C19orf12: variants seen among roughly 807,000 people sequenced by gnomAD.
The protein encoded by C19orf12 is protein C19orf12.
In C19orf12, 2 loss-of-function variants were observed where a neutral mutation model predicts 3.8. The observed-to-expected ratio is 0.53, with a 90% CI of 0.22 to 1.66. C19orf12 has a LOEUF of 1.66. Among genes scored for constraint, C19orf12 ranks in the 40% most tolerant of loss-of-function variants. The pLI is 0.20. For synonymous variants in C19orf12, 89 were observed against 84.6 expected (o/e 1.05, Z -0.28); for missense variants, 156 against 188.8 (o/e 0.83, Z 1.02).
At chr19:29,706,062 G>A (rs1972366043) in intron 2 of C19orf12, among the ~76,000 whole-genome samples, 1 of 152,192 alleles carries the variant, frequency 6.6e-6, no homozygotes. Context: ...AAGCACCGAG[G>A]CCCCTGGAGC....
intron 1 of C19orf12, among the ~76,000 whole-genome samples, chr19:29,709,517 A>G (rs1466599926): frequency 1.4e-5 from 2 of 146,168 alleles, no homozygotes; most frequent in East Asian, 2.1e-4. Flanking sequence ...GATAGATTCT[A>G]TTGCTTATTA....
intron 2 of C19orf12, among the ~76,000 whole-genome samples, chr19:29,705,713 C>T (rs1006388174): frequency 1.3e-5 from 2 of 151,824 alleles, no homozygotes; most frequent in Non-Finnish European, 2.9e-5. Context: ...GACGGGGTCT[C>T]ATTATGTTGC....
rs759339712 is a variant in C19orf12 at position 29,715,206 on chromosome 19, C to T, written c.-92G>A. On this transcript the variant is annotated 5_prime_UTR_variant, in exon 1 of 3. Coordinates refer to ENST00000323670, the MANE Select transcript of C19orf12 (RefSeq NM_031448.6). ...GGCCTGGCAGGCCCCGGGCTCCCCG[C>T]CCAGCTCCCCAGCCCCGCGGAGGGT... 1 of 463,630 alleles carries T rather than the reference C, an allele frequency of 2.2e-6. No homozygotes were observed. The highest frequency in any genetic ancestry group is 2.0e-5 in the South Asian group (1 of 49,602). The allele number at this position is 463,630 out of a possible 1,614,324, so 28.7% of individuals were successfully genotyped here.
chr19:29,711,138 C>T (rs547487716), intron 1 of C19orf12, among the ~76,000 whole-genome samples: 1 of 147,020 alleles, frequency 6.8e-6, no homozygotes, highest in South Asian at 2.2e-4. Flanking sequence ...CTCCCACGTT[C>T]AAGCGATTCT....
Position 29,701,480 on chromosome 19 carries a change from C to A in C19orf12, c.*1232G>T, listed in dbSNP as rs1427407779. ...GGGAATAATGGCAAGAAAAAAAGGT[C>A]TGTACGTGTTCAGTACCAATGCAAT... On this transcript the variant is annotated 3_prime_UTR_variant, in exon 3 of 3. Transcript: ENST00000323670. 1 of 454,038 alleles carries A rather than the reference C, an allele frequency of 2.2e-6. No homozygotes were observed. The highest frequency in any genetic ancestry group is 2.0e-5 in the African/African-American group (1 of 50,016). The allele number at this position is 454,038 out of a possible 1,614,324, so 28.1% of individuals were successfully genotyped here.
In C19orf12 at chr19:29,708,335, G is replaced by C; in HGVS notation, c.79C>G (p.His27Asp). The change falls in exon 2 of 3, where the codon CAC becomes GAC. Residue 27 changes from histidine (H) to aspartate (D), a missense_variant. Transcript: ENST00000323670. The part of the protein sequence containing the change: ...GERKMKAAVK[H>D]SGKGALVTGA... The stretch of plus-strand genomic sequence containing the variant: ...GTGACCAGGGCACCCTTCCCAGAGT[G>C]CTTGACAGCCGCCTTCATCTTCCTC... 1.9e-6 allele frequency: 3 copies of C among 1,614,106 alleles called. No homozygotes were observed. Among genetic ancestry groups the C allele is most frequent in the Non-Finnish European group, 2.5e-6 (3 of 1,180,040 alleles).
Position 29,701,805 on chromosome 19 carries a change from T to C in C19orf12, c.*907A>G. 3 of 452,584 alleles carry C rather than the reference T, an allele frequency of 6.6e-6. No homozygotes were observed. The highest frequency in any genetic ancestry group is 8.9e-6 in the Non-Finnish European group (2 of 225,588). 28.0% of individuals were successfully genotyped at this position (452,584 alleles called of 1,614,324 possible). A position where few individuals can be genotyped will look rare whatever the true frequency, so the allele number is the denominator to read the frequency against. ...GTTTCTGTGTCAGCATTTTGAACAG[T>C]AAATATTTTTAAATTAAGGTTTGTA... On this transcript the variant is annotated 3_prime_UTR_variant, in exon 3 of 3. Transcript: ENST00000323670.
rs1204615230 is a variant in C19orf12, at chr19:29,701,188, C to G, written c.*1524G>C. ...TTTTTAGAAAAACATTTATTGTAAT[C>G]GATCACATTCAAGTCGTAGTTCTGA... On this transcript the variant is annotated 3_prime_UTR_variant, in exon 3 of 3. Transcript: ENST00000323670. 1 of 454,026 alleles carries G rather than the reference C, an allele frequency of 2.2e-6. No individual in the cohort carries two copies. Among genetic ancestry groups the G allele is most frequent in the South Asian group, 1.6e-5 (1 of 64,472 alleles). 28.1% of individuals were successfully genotyped at this position (454,026 alleles called of 1,614,324 possible).
rs757808345 is a variant in C19orf12 at position 29,699,777 on chromosome 19, C to T, written c.*2935G>A. The T allele has an allele frequency of 1.8e-5, 8 of 453,658 alleles. No homozygotes were observed. The highest frequency in any genetic ancestry group is 7.8e-5 in the South Asian group (5 of 64,326). The allele number at this position is 453,658 out of a possible 1,614,324, so 28.1% of individuals were successfully genotyped here. ...GGAGCAGGCCTTCCCTTGCAGCTTG[C>T]GCCCTCCCGTACCTTTTAAATTTTG... On this transcript the variant is annotated 3_prime_UTR_variant, in exon 3 of 3. Transcript: ENST00000323670.
chr19:29,711,731 C>A lies in C19orf12; in HGVS notation c.-10-3308G>T, dbSNP rs555593203. Among the ~76,000 whole-genome samples, 3 of 152,270 alleles carry A rather than the reference C, an allele frequency of 2.0e-5. No individual in the cohort carries two copies. The South Asian group carries it at 6.2e-4, about 32-fold the overall frequency. ...CATGTAGAAGTGGAAAGAAGGAAGG[C>A]AGGAAACAGATACATAACCACTTTA... is the stretch of plus-strand genomic sequence containing the variant. On this transcript the variant is annotated intron_variant, in intron 1 of 2. Coordinates refer to ENST00000323670, the MANE Select transcript of C19orf12 (RefSeq NM_031448.6).
At chr19:29,703,612 C>T (rs918408579) in intron 2 of C19orf12, among the ~76,000 whole-genome samples, 2 of 151,894 alleles carry the variant, frequency 1.3e-5, no homozygotes, top group African/African-American at 4.8e-5. Flanking sequence ...CTCCTGACCT[C>T]AGGTGATCCG....
intron 1 of C19orf12, among the ~76,000 whole-genome samples, chr19:29,712,863 T>G (rs955092347): frequency 3.3e-5 from 5 of 152,192 alleles, no homozygotes; most frequent in African/African-American, 9.7e-5. Context: ...CAGGTTTCAC[T>G]GAGACACAAG....
At chr19:29,706,249 G>T (rs1377174005) in intron 2 of C19orf12, among the ~76,000 whole-genome samples, 1 of 152,232 alleles carries the variant, frequency 6.6e-6, no homozygotes, top group East Asian at 1.9e-4. Context: ...GCTCCAAGTC[G>T]ACAAGAGTTG....
chr19:29,708,981 C>T (rs1265814006), intron 1 of C19orf12, among the ~76,000 whole-genome samples: 5 of 152,192 alleles, frequency 3.3e-5, no homozygotes, highest in African/African-American at 1.2e-4. Context: ...TCAGACAGTG[C>T]CAGCAGGATG....
chr19:29,706,100 G>A (rs1344504157), intron 2 of C19orf12, among the ~76,000 whole-genome samples: 1 of 152,190 alleles, frequency 6.6e-6, no homozygotes, highest in Non-Finnish European at 1.5e-5. Flanking sequence ...CTGAGCTGGG[G>A]CCAGCCCCAT....
At chr19:29,706,672 A>G (rs1005163225) in intron 2 of C19orf12, among the ~76,000 whole-genome samples, 1 of 152,216 alleles carries the variant, frequency 6.6e-6, no homozygotes, top group Admixed American at 6.5e-5. Context: ...CAAGATGCTG[A>G]AGTCAGGCCT....
At chr19:29,703,594 G>C (rs1972229429) in intron 2 of C19orf12, among the ~76,000 whole-genome samples, 1 of 151,740 alleles carries the variant, frequency 6.6e-6, no homozygotes, top group South Asian at 2.1e-4. Flanking sequence ...TGGCAGGCTG[G>C]TCTTGAACTC....
Position 29,701,842 on chromosome 19 carries a change from C to T in C19orf12, c.*870G>A, listed in dbSNP as rs1317520221. On this transcript the variant is annotated 3_prime_UTR_variant, in exon 3 of 3. Transcript: ENST00000323670. The stretch of plus-strand genomic sequence containing the variant: ...AATTAAGGTTTGTACATTTGTTAGA[C>T]ATAATGCTATTGCACATTTAGTGGA... 2.2e-6 allele frequency: 1 copy of T among 453,978 alleles called. No homozygotes were observed. Among genetic ancestry groups the T allele is most frequent in the Non-Finnish European group, 4.4e-6 (1 of 226,754 alleles). 28.1% of individuals were successfully genotyped at this position (453,978 alleles called of 1,614,324 possible).
rs192869665 is a variant in C19orf12, at chr19:29,711,775, C to G, written c.-11+3350G>C. ...CACTTTAGCTCTACTGGCTTCCCCC[C>G]CCAAAAAAAACCTAGCTTCCGACCT... On this transcript the variant is annotated intron_variant, in intron 1 of 2. Coordinates refer to ENST00000323670, the MANE Select transcript of C19orf12 (RefSeq NM_031448.6). Among the ~76,000 whole-genome samples, 991 of 152,192 alleles carry G rather than the reference C, an allele frequency of 6.5e-3. 3 individuals are homozygous for G. Among genetic ancestry groups the G allele is most frequent in the Non-Finnish European group, 0.011 (756 of 67,990 alleles).
Sources: gnomAD v4.1 joint callset for allele counts (sites outside exome capture counted in the v4.1 genomes callset) on GRCh38, gnomAD v4.1.1 for gene constraint, MANE v1.5 for transcripts, NCBI Gene and HGNC (gene_info 2026-07-23, HGNC 2026-07-21) for gene names.